Variants in ESCO1 observed in about 807,000 individuals in gnomAD.
ESCO1 encodes establishment of sister chromatid cohesion N-acetyltransferase 1, also known as N-acetyltransferase ESCO1.
A neutral mutation model predicts 83.5 loss-of-function variants in ESCO1; 33 were observed. That is an observed-to-expected ratio of 0.40 (90% CI 0.30 to 0.53). ESCO1 has a LOEUF of 0.53. Ranked by LOEUF, ESCO1 falls within the 20% of genes least tolerant of loss-of-function variation. The probability of loss-of-function intolerance (pLI) is 0.63; values close to 1 mark genes in which losing one functional copy is unlikely to be tolerated. For synonymous variants in ESCO1, 332 were observed against 324.3 expected (o/e 1.02, Z -0.25); for missense variants, 855 against 968.0 (o/e 0.88, Z 1.55).
chr18:21,574,917 T>C lies in ESCO1; in HGVS notation c.-74A>G. On this transcript the variant is annotated 5_prime_UTR_variant, in exon 4 of 12. Coordinates refer to ENST00000269214, the MANE Select transcript of ESCO1 (RefSeq NM_052911.3). ...TGTCCTGGTAGGCGTGAATGCTGAC[T>C]AGCTAGTATTATTACTGAGGAGCAG... 8.8e-7 allele frequency: 1 copy of C among 1,135,704 alleles called. No homozygotes were observed. Among genetic ancestry groups the C allele is most frequent in the Non-Finnish European group, 1.2e-6 (1 of 819,348 alleles). The allele number at this position is 1,135,704 out of a possible 1,614,324, so 70.4% of individuals were successfully genotyped here. A position where few individuals can be genotyped will look rare whatever the true frequency, so the allele number is the denominator to read the frequency against.
rs776653000 is a variant in ESCO1, at chr18:21,574,432, T to C, written c.412A>G (p.Ser138Gly). Residue 138 changes from serine to glycine, a missense_variant, in exon 4 of 12, where the codon AGT becomes GGT. By Grantham distance (56) the Ser-to-Gly change is moderately conservative. Transcript: ENST00000269214. ...LTEVSRRSLR[S>G]REIQGQVQAV... Reference sequence around the variant, plus strand: ...TGAACTTGACCCTGAATTTCTCTACTGCGTAACGACCTTCTTGAAACCTCT... The same window carrying C: ...TGAACTTGACCCTGAATTTCTCTACCGCGTAACGACCTTCTTGAAACCTCT... The C allele has an allele frequency of 7.6e-5, 122 of 1,614,062 alleles. No homozygotes were observed. The highest frequency in any genetic ancestry group is 6.6e-4 in the Middle Eastern group (4 of 6,084).
In ESCO1 at chr18:21,574,391, ACT is replaced by A. The variant is rs2038389288; in HGVS notation, c.451_452del (p.Ser151PhefsTer5). On this transcript the variant is annotated frameshift_variant, in exon 4 of 12. Transcript: ENST00000269214. LOFTEE classifies it high-confidence loss of function. ...IQGQVQAVKQ[S>X]LPPTKKEQCS... Reference sequence around the variant, plus strand: ...ACTGCTCTTTTTTAGTTGGTGGCAAACTCTGTTTAACTGCTTGAACTTGACCC... The same window carrying A: ...ACTGCTCTTTTTTAGTTGGTGGCAAACTGTTTAACTGCTTGAACTTGACCC... 1 of 1,613,956 alleles carries A rather than the reference ACT, an allele frequency of 6.2e-7. No homozygotes were observed. The highest frequency in any genetic ancestry group is 8.5e-7 in the Non-Finnish European group (1 of 1,179,986).
Position 21,529,917 on chromosome 18 carries a change from A to T in ESCO1, c.*426T>A, listed in dbSNP as rs1353654985. 1 of 153,624 alleles carries T rather than the reference A, an allele frequency of 6.5e-6. No homozygotes were observed. Among genetic ancestry groups the T allele is most frequent in the African/African-American group, 2.4e-5 (1 of 41,620 alleles). The allele number at this position is 153,624 out of a possible 1,614,324, so 9.5% of individuals were successfully genotyped here. A position where few individuals can be genotyped will look rare whatever the true frequency, so the allele number is the denominator to read the frequency against. ...TAAAAAAATTGGTTTCCACTCTGTG[A>T]AAATACAATCTTTAAGCCTATCACT... is the stretch of plus-strand genomic sequence containing the variant. On this transcript the variant is annotated 3_prime_UTR_variant, in exon 12 of 12. Transcript: ENST00000269214.
In ESCO1 at chr18:21,573,885, T is replaced by G; in HGVS notation, c.959A>C (p.Glu320Ala). The change falls in exon 4 of 12, where the codon GAG becomes GCG. Residue 320 changes from glutamate to alanine, a missense_variant. Physicochemically the swap from Glu to Ala is moderately radical, Grantham distance 107 (BLOSUM62 -1). Transcript: ENST00000269214. ...IAGEIESDNV[E>A]VKKESSQMES... is the part of the protein sequence containing the mutation. ...CATTTGTGAAGATTCCTTTTTTACC[T>G]CTACATTATCTGACTCAATTTCACC... 1 of 1,614,092 alleles carries G rather than the reference T, an allele frequency of 6.2e-7. No homozygotes were observed. Among genetic ancestry groups the G allele is most frequent in the Non-Finnish European group, 8.5e-7 (1 of 1,180,014 alleles).
chr18:21,552,259 A>C (rs2038055332), intron 8 of ESCO1, among the ~76,000 whole-genome samples: 1 of 152,270 alleles, frequency 6.6e-6, no homozygotes, highest in East Asian at 1.9e-4. Context: ...AGTGTGGTTG[A>C]TATGGTTTGG....
At chr18:21,553,888 CA>C (rs1321389997) in intron 8 of ESCO1, among the ~76,000 whole-genome samples, 3 of 145,578 alleles carry the variant, frequency 2.1e-5, no homozygotes, top group Admixed American at 6.9e-5. Flanking sequence ...CACAAACACA[CA>C]AAAAAAACCG....
intron 11 of ESCO1, among the ~76,000 whole-genome samples, chr18:21,530,762 C>T (rs1010662157): frequency 5.9e-5 from 9 of 152,058 alleles, no homozygotes; most frequent in Admixed American, 1.3e-4. Context: ...GAAATATTTC[C>T]TCAACCTGAT....
At chr18:21,576,207 G>A (rs2038416754) in intron 2 of ESCO1, among the ~76,000 whole-genome samples, 1 of 152,098 alleles carries the variant, frequency 6.6e-6, no homozygotes, top group South Asian at 2.1e-4. Flanking sequence ...AAAAGCAATA[G>A]AGGGACTAAA....
intron 6 of ESCO1, among the ~76,000 whole-genome samples, 169 bp from the exon 7 acceptor site, chr18:21,564,486 G>A (rs961390873): frequency 6.6e-6 from 1 of 151,876 alleles, no homozygotes; most frequent in Non-Finnish European, 1.5e-5. Context: ...TGCCTCCTGG[G>A]TTCATGCCAT....
chr18:21,544,782 G>A (rs2037951069), intron 8 of ESCO1, among the ~76,000 whole-genome samples: 2 of 152,258 alleles, frequency 1.3e-5, no homozygotes, highest in Non-Finnish European at 2.9e-5. Flanking sequence ...TACTCTGTGT[G>A]TGTGTGCTGT....
intron 1 of ESCO1, among the ~76,000 whole-genome samples, chr18:21,595,013 G>C (rs1050908370): frequency 2.0e-5 from 3 of 148,878 alleles, no homozygotes; most frequent in African/African-American, 7.5e-5. Flanking sequence ...ACCATGTCTG[G>C]CTAGTGTTTT....
At chr18:21,581,422 C>T (rs1047969936) in intron 2 of ESCO1, among the ~76,000 whole-genome samples, 1 of 151,590 alleles carries the variant, frequency 6.6e-6, no homozygotes, top group African/African-American at 2.4e-5. Flanking sequence ...TAGAGATTAA[C>T]AGAACAAAAT....
intron 6 of ESCO1, among the ~76,000 whole-genome samples, chr18:21,565,008 G>A (rs894861954): frequency 2.1e-4 from 32 of 152,082 alleles, no homozygotes; most frequent in African/African-American, 6.8e-4. Flanking sequence ...CCTGGGAGGC[G>A]GAGGTTGCGG....
chr18:21,540,606 C>A, intron 8 of ESCO1: 1 of 1,336,030 alleles, frequency 7.5e-7, no homozygotes, highest in South Asian at 1.2e-5. Flanking sequence ...GAAGGAGAAG[C>A]TACGTTGTGT....
At chr18:21,546,201 G>A (rs1238700752) in intron 8 of ESCO1, among the ~76,000 whole-genome samples, 5 of 152,104 alleles carry the variant, frequency 3.3e-5, no homozygotes, top group Admixed American at 3.3e-4. Context: ...TAGCTGCCCT[G>A]CTTTGGGCAA....
At chr18:21,580,944 C>A (rs962529762) in intron 2 of ESCO1, among the ~76,000 whole-genome samples, 2 of 152,034 alleles carry the variant, frequency 1.3e-5, no homozygotes, top group Non-Finnish European at 2.9e-5. Flanking sequence ...AAGCTGAGAT[C>A]GCGCCATTGC....
chr18:21,553,457 A>ATT (rs1568097944), intron 8 of ESCO1, among the ~76,000 whole-genome samples: 3 of 104,398 alleles, frequency 2.9e-5, no homozygotes, highest in African/African-American at 1.0e-4. Context: ...ATTAAAAAAA[A>ATT]AAAAAAAAAA....
At chr18:21,589,741 G>A (rs1019097369) in intron 1 of ESCO1, among the ~76,000 whole-genome samples, 1 of 152,136 alleles carries the variant, frequency 6.6e-6, no homozygotes, top group Non-Finnish European at 1.5e-5. Context: ...ACAAAGCAAA[G>A]ACGGCAAAGT....
intron 8 of ESCO1, among the ~76,000 whole-genome samples, 165 bp downstream of exon 8, chr18:21,560,694 G>C (rs967345105): frequency 6.6e-6 from 1 of 152,044 alleles, no homozygotes; most frequent in Non-Finnish European, 1.5e-5. Flanking sequence ...TTTATGTTTG[G>C]CTTTGTTTTT....
Sources: allele counts gnomAD v4.1 joint callset (sites outside exome capture counted in the v4.1 genomes callset), GRCh38; gene constraint gnomAD v4.1.1; transcripts MANE v1.5; gene names NCBI Gene and HGNC (gene_info 2026-07-23, HGNC 2026-07-21).